Variants in BMPR1B observed in about 807,000 individuals in gnomAD.
BMPR1B encodes bone morphogenetic protein receptor type 1B, also known as bone morphogenetic protein receptor type-1B.
Under a neutral mutation model 59.1 loss-of-function variants are expected in BMPR1B, and 12 were observed. That is an observed-to-expected ratio of 0.20 (90% CI 0.13 to 0.33). The LOEUF (loss-of-function observed/expected upper bound fraction) is 0.33. BMPR1B is among the 10% of genes least tolerant of loss of function. BMPR1B has a pLI of 1.00. For missense variants in BMPR1B, 550 were observed against 610.9 expected (o/e 0.90, Z 1.05); for synonymous variants, 237 against 207.3 (o/e 1.14, Z -1.23).
intron 1 of BMPR1B, among the ~76,000 whole-genome samples, chr4:94,772,931 TAAGG>T (rs1432059368): frequency 6.6e-6 from 1 of 152,138 alleles, no homozygotes; most frequent in East Asian, 1.9e-4. Context: ...AACCATATAA[TAAGG>T]AAGGACTAGT....
intron 1 of BMPR1B, among the ~76,000 whole-genome samples, chr4:94,863,176 C>T (rs559765339): frequency 1.1e-4 from 17 of 152,064 alleles, no homozygotes; most frequent in Non-Finnish European, 1.8e-4. Flanking sequence ...CAAGAGACAC[C>T]GGGGCCTACT....
At chr4:94,790,706 T>G (rs1268923288) in intron 1 of BMPR1B, among the ~76,000 whole-genome samples, 2 of 152,254 alleles carry the variant, frequency 1.3e-5, no homozygotes, top group African/African-American at 4.8e-5. Context: ...GAATTTCTCT[T>G]TTATCTTGGT....
chr4:94,762,826 A>T (rs1265323302), intron 1 of BMPR1B, among the ~76,000 whole-genome samples: 1 of 151,334 alleles, frequency 6.6e-6, no homozygotes, highest in East Asian at 1.9e-4. Context: ...ATCGTGGAAT[A>T]GAAGAATCAT....
rs529566938 is a variant in BMPR1B, at chr4:94,981,111, C to T, written c.-112-14929C>T. On this transcript the variant is annotated intron_variant, in intron 2 of 12. Coordinates refer to ENST00000515059, the MANE Select transcript of BMPR1B (RefSeq NM_001203.3). The stretch of plus-strand genomic sequence containing the variant: ...AAAATTTGTCTACTACCTTGAAATT[C>T]CCTTAGATAAAAAATTGGTAGTGTA... Among the ~76,000 whole-genome samples, 11 of 152,242 alleles carry T rather than the reference C, an allele frequency of 7.2e-5. No individual in the cohort carries two copies. In the South Asian group the frequency reaches 1.9e-3, roughly 26 times the overall value.
chr4:94,841,236 C>A (rs908732013), intron 1 of BMPR1B, among the ~76,000 whole-genome samples: 3 of 148,820 alleles, frequency 2.0e-5, no homozygotes, highest in Admixed American at 6.6e-5. Flanking sequence ...GCCCTGCCCC[C>A]AGAGGTGGAG....
At chr4:94,870,882 A>G (rs1050805777) in intron 1 of BMPR1B, among the ~76,000 whole-genome samples, 2 of 152,112 alleles carry the variant, frequency 1.3e-5, no homozygotes, top group Non-Finnish European at 2.9e-5. Flanking sequence ...AGGCTCTTAA[A>G]CAATTATGGA....
chr4:95,148,877 T>C lies in BMPR1B; in HGVS notation c.1206T>C (p.Ser402=). The part of the protein sequence containing the change: ...FQSYIMADMY[S]FGLILWEVAR... ...CTTACATCATGGCTGACATGTATAG[T>C]TTTGGCCTCATCCTTTGGGAGGTTG... The change falls in exon 11 of 13, where the codon AGT becomes AGC. Residue 402 remains serine (S), a synonymous_variant. Coordinates refer to ENST00000515059, the MANE Select transcript of BMPR1B (RefSeq NM_001203.3). 6.2e-7 allele frequency: 1 copy of C among 1,614,002 alleles called. No individual in the cohort carries two copies. The highest frequency in any genetic ancestry group is 8.5e-7 in the Non-Finnish European group (1 of 1,179,918).
At chr4:95,003,451 G>A (rs549505728) in intron 3 of BMPR1B, among the ~76,000 whole-genome samples, 7 of 152,178 alleles carry the variant, frequency 4.6e-5, no homozygotes, top group Admixed American at 2.0e-4. Context: ...TTAAGCATTG[G>A]AACATGTTAG....
chr4:94,819,070 A>C (rs1724112053), intron 1 of BMPR1B, among the ~76,000 whole-genome samples: 1 of 152,164 alleles, frequency 6.6e-6, no homozygotes, highest in African/African-American at 2.4e-5. Context: ...CAGGAAATCA[A>C]GGCTGCAGTG....
chr4:94,793,119 A>G (rs551345532), intron 1 of BMPR1B, among the ~76,000 whole-genome samples: 7 of 152,026 alleles, frequency 4.6e-5, no homozygotes, highest in Admixed American at 3.9e-4. Flanking sequence ...TGCACCCACT[A>G]TCTCGTCATT....
chr4:94,958,678 G>C (rs1245683762), intron 2 of BMPR1B, among the ~76,000 whole-genome samples: 1 of 152,100 alleles, frequency 6.6e-6, no homozygotes, highest in Non-Finnish European at 1.5e-5. Flanking sequence ...TATGAATTTT[G>C]GGGAGCACAA....
intron 8 of BMPR1B, among the ~76,000 whole-genome samples, chr4:95,126,503 A>G (rs770096122): frequency 4.1e-4 from 62 of 152,182 alleles, no homozygotes; most frequent in Non-Finnish European, 7.1e-4. Context: ...TAGCAACCCT[A>G]TAAGGTAGTA....
At chr4:94,949,651 A>G (rs1225536699) in intron 2 of BMPR1B, among the ~76,000 whole-genome samples, 2 of 151,164 alleles carry the variant, frequency 1.3e-5, no homozygotes, top group African/African-American at 2.4e-5. Context: ...ATAGTATTTC[A>G]TGTGTATATG....
At chr4:94,763,178 A>G (rs576079542) in intron 1 of BMPR1B, among the ~76,000 whole-genome samples, 1 of 152,310 alleles carries the variant, frequency 6.6e-6, no homozygotes, top group African/African-American at 2.4e-5. Flanking sequence ...CTTCATTTTC[A>G]GTAAAGTGTG....
At chr4:95,130,843 G>T (rs1224150736) in intron 9 of BMPR1B, among the ~76,000 whole-genome samples, 1 of 143,826 alleles carries the variant, frequency 7.0e-6, no homozygotes, top group Non-Finnish European at 1.5e-5. Context: ...CAATTCTCCT[G>T]CTTAGCTTCC....
chr4:94,802,842 ATTC>A (rs71583666), intron 1 of BMPR1B, among the ~76,000 whole-genome samples: 83,264 of 151,482 alleles, frequency 0.55, 23,004 homozygotes, highest in Middle Eastern at 0.7. Context: ...TCAGGTAATA[ATTC>A]TTCTCTCTAG....
At chr4:95,038,910 A>C (rs1725451458) in intron 3 of BMPR1B, among the ~76,000 whole-genome samples, 1 of 152,154 alleles carries the variant, frequency 6.6e-6, no homozygotes, top group Non-Finnish European at 1.5e-5. Context: ...CATTTTGGTT[A>C]AGGTTGAATT....
chr4:94,986,642 A>G (rs1721424147), intron 2 of BMPR1B, among the ~76,000 whole-genome samples: 2 of 152,324 alleles, frequency 1.3e-5, no homozygotes, highest in African/African-American at 4.8e-5. Context: ...ACCACATTTT[A>G]TATGTGAACC....
intron 2 of BMPR1B, among the ~76,000 whole-genome samples, chr4:94,988,668 A>G (rs1339037712): frequency 6.6e-6 from 1 of 152,160 alleles, no homozygotes; most frequent in South Asian, 2.1e-4. Context: ...TACTTCTCAT[A>G]CTAATAATGG....
Sources: gnomAD v4.1 joint callset for allele counts (sites outside exome capture counted in the v4.1 genomes callset) on GRCh38, gnomAD v4.1.1 for gene constraint, MANE v1.5 for transcripts, NCBI Gene and HGNC (gene_info 2026-07-23, HGNC 2026-07-21) for gene names.